SEMA3C: variants seen among roughly 807,000 people sequenced by gnomAD.
The protein encoded by SEMA3C is semaphorin-3C.
SEMA3C carries 47 observed loss-of-function variants against 89.4 expected under a neutral mutation model. The ratio of observed to expected loss-of-function variants is 0.53; its 90% CI spans 0.42 to 0.67. SEMA3C has a LOEUF of 0.67. Among genes scored for constraint, SEMA3C ranks in the 30% least tolerant of loss-of-function variants. The pLI, the probability that SEMA3C is intolerant of heterozygous loss-of-function variation, is 0.00. For missense variants in SEMA3C, 839 were observed against 929.1 expected, an observed-to-expected ratio of 0.90 and a Z score of 1.26; for synonymous variants, 310 against 320.2, an observed-to-expected ratio of 0.97 and a Z score of 0.34.
intron 15 of SEMA3C, among the ~76,000 whole-genome samples, chr7:80,756,565 A>G (rs775415058): frequency 1.3e-5 from 2 of 152,158 alleles, no homozygotes; most frequent in Non-Finnish European, 2.9e-5. Context: ...TTCACTTTAA[A>G]TAAAAACTTT....
Position 80,789,345 on chromosome 7 carries a change from C to T in SEMA3C, c.1315G>A (p.Ala439Thr), listed in dbSNP as rs952272387. ...YTKIAVDRVN[A>T]ADGRYHVLFL... is the part of the protein sequence containing the mutation. ...AGGACATGGTATCTCCCATCAGCAG[C>T]GTTCACTCGATCCACAGCTATCTTT... Residue 439 changes from alanine to threonine, a missense_variant, in exon 12 of 18, where the codon GCT becomes ACT. Coordinates refer to ENST00000265361, the MANE Select transcript of SEMA3C (RefSeq NM_006379.5). 10 of 1,613,962 alleles carry T rather than the reference C, an allele frequency of 6.2e-6. No individual in the cohort carries two copies. The highest frequency in any genetic ancestry group is 4.5e-5 in the East Asian group (2 of 44,874).
chr7:80,908,134 G>A (rs549499623), intron 2 of SEMA3C, among the ~76,000 whole-genome samples: 1 of 152,246 alleles, frequency 6.6e-6, no homozygotes, highest in African/African-American at 2.4e-5. Flanking sequence ...CTTTTCACAT[G>A]TAATAGTCTG....
intron 2 of SEMA3C, among the ~76,000 whole-genome samples, chr7:80,857,542 CA>C (rs1406905201): frequency 6.6e-6 from 1 of 152,048 alleles, no homozygotes; most frequent in Non-Finnish European, 1.5e-5. Context: ...AATTGCTTAT[CA>C]GGATTTTGTT....
At chr7:80,772,476 G>C (rs1039752208) in intron 12 of SEMA3C, among the ~76,000 whole-genome samples, 2 of 152,124 alleles carry the variant, frequency 1.3e-5, no homozygotes. Flanking sequence ...CTTTGAATTG[G>C]TAATTGGAAA....
chr7:80,751,647 A>C (rs1787939159), intron 15 of SEMA3C, among the ~76,000 whole-genome samples: 2 of 152,140 alleles, frequency 1.3e-5, no homozygotes, highest in Admixed American at 6.5e-5. Context: ...AATAGTGTAA[A>C]TTTTTAGTTT....
chr7:80,760,897 C>A (rs529274824), intron 14 of SEMA3C, among the ~76,000 whole-genome samples: 1 of 152,278 alleles, frequency 6.6e-6, no homozygotes, highest in Non-Finnish European at 1.5e-5. Context: ...CTACTCCATT[C>A]TCACTATATT....
At chr7:80,782,908 T>C (rs577592838) in intron 12 of SEMA3C, among the ~76,000 whole-genome samples, 2 of 152,258 alleles carry the variant, frequency 1.3e-5, no homozygotes, top group South Asian at 4.1e-4. Context: ...ATTAGCATCA[T>C]TATAATAGTA....
chr7:80,792,139 T>C (rs373790584), intron 11 of SEMA3C, among the ~76,000 whole-genome samples: 1 of 152,340 alleles, frequency 6.6e-6, no homozygotes, highest in East Asian at 1.9e-4. Context: ...TAAAAAGTAT[T>C]ATATTTAAAT....
chr7:80,805,575 G>T lies in SEMA3C; in HGVS notation c.658+64C>A, dbSNP rs1001931586. 4.3e-6 allele frequency: 6 copies of T among 1,398,062 alleles called. No homozygotes were observed. In the African/African-American group the frequency reaches 7.2e-5, roughly 17 times the overall value. The allele number at this position is 1,398,062 out of a possible 1,614,324, so 86.6% of individuals were successfully genotyped here. On this transcript the variant is annotated intron_variant, in intron 7 of 17. Transcript: ENST00000265361. ...TTTAACCATTTTCCCTAGTTGTTAG[G>T]ATAGAATTAAATAAGTTAGTTTAAC...
At chr7:80,774,344 C>T (rs1032338057) in intron 12 of SEMA3C, among the ~76,000 whole-genome samples, 15 of 151,944 alleles carry the variant, frequency 9.9e-5, no homozygotes, top group African/African-American at 3.6e-4. Context: ...GACCAAGAGT[C>T]AAGAAGAACA....
In SEMA3C at chr7:80,761,666, T is replaced by A; in HGVS notation, c.1444-9A>T. 1 of 1,322,956 alleles carries A rather than the reference T, an allele frequency of 7.6e-7. No homozygotes were observed. Among genetic ancestry groups the A allele is most frequent in the Non-Finnish European group, 1.0e-6 (1 of 962,470 alleles). The allele number at this position is 1,322,956 out of a possible 1,614,324, so 82.0% of individuals were successfully genotyped here. A position where few individuals can be genotyped will look rare whatever the true frequency, so the allele number is the denominator to read the frequency against. On this transcript the variant is annotated splice_polypyrimidine_tract_variant and intron_variant, in intron 13 of 17. Coordinates refer to ENST00000265361, the MANE Select transcript of SEMA3C (RefSeq NM_006379.5). ...GTTATAGGAGCATGATTCTAAAATA[T>A]TAGAAAACAACATGTTAGTTGCTCA... is the stretch of plus-strand genomic sequence containing the variant.
intron 12 of SEMA3C, among the ~76,000 whole-genome samples, chr7:80,784,600 G>A (rs907202194): frequency 6.6e-6 from 1 of 152,008 alleles, no homozygotes; most frequent in Admixed American, 6.6e-5. Flanking sequence ...AACCAAAACA[G>A]TGACAAGCAA....
intron 4 of SEMA3C, 46 bp downstream of exon 4, chr7:80,827,378 AT>A (rs1305963591): frequency 2.0e-6 from 3 of 1,482,518 alleles, no homozygotes; most frequent in Non-Finnish European, 1.8e-6. Flanking sequence ...CGAAAACCAA[AT>A]ATTTAAGTTA....
At chr7:80,778,548 A>G (rs1364880016) in intron 12 of SEMA3C, among the ~76,000 whole-genome samples, 1 of 152,188 alleles carries the variant, frequency 6.6e-6, no homozygotes, top group East Asian at 1.9e-4. Context: ...ACATACATAA[A>G]CTGGCCTTGA....
intron 4 of SEMA3C, among the ~76,000 whole-genome samples, chr7:80,827,214 G>C (rs1197594862): frequency 6.6e-6 from 1 of 151,942 alleles, no homozygotes; most frequent in Non-Finnish European, 1.5e-5. Flanking sequence ...TGAAAGCAAG[G>C]CAAGCAATTT....
At chr7:80,837,382 T>C (rs772067753) in intron 2 of SEMA3C, among the ~76,000 whole-genome samples, 1 of 152,198 alleles carries the variant, frequency 6.6e-6, no homozygotes, top group Non-Finnish European at 1.5e-5. Context: ...TAAGTCGATA[T>C]ACTAGAGTGA....
intron 2 of SEMA3C, among the ~76,000 whole-genome samples, chr7:80,892,002 C>A (rs868830296): frequency 1.5e-4 from 23 of 152,132 alleles, no homozygotes; most frequent in Middle Eastern, 3.4e-3. Context: ...ATACTATCTT[C>A]CCCAAAAAAT....
At chr7:80,892,563 A>C (rs1297233205) in intron 2 of SEMA3C, among the ~76,000 whole-genome samples, 1 of 152,158 alleles carries the variant, frequency 6.6e-6, no homozygotes, top group Admixed American at 6.6e-5. Flanking sequence ...AAACAACAAC[A>C]ACAACAATGT....
chr7:80,822,849 T>C (rs1562891571), intron 4 of SEMA3C, among the ~76,000 whole-genome samples: 1 of 152,218 alleles, frequency 6.6e-6, no homozygotes. Flanking sequence ...AAATTGACAT[T>C]GTCTCTAAAC....
Sources: allele counts gnomAD v4.1 joint callset (sites outside exome capture counted in the v4.1 genomes callset), GRCh38; gene constraint gnomAD v4.1.1; transcripts MANE v1.5; gene names NCBI Gene and HGNC (gene_info 2026-07-23, HGNC 2026-07-21).